SMYD3: variants seen among roughly 807,000 people sequenced by gnomAD.
SMYD3 encodes histone-lysine N-methyltransferase SMYD3.
A neutral mutation model predicts 57.7 loss-of-function variants in SMYD3; 36 were observed. The observed-to-expected ratio is 0.62, with a 90% CI of 0.48 to 0.82. The LOEUF (loss-of-function observed/expected upper bound fraction) is 0.82, where lower values mean the gene tolerates loss of function less well. SMYD3 is among the 40% of genes least tolerant of loss of function. The pLI is 0.00. For missense variants in SMYD3, 515 were observed against 538.8 expected (o/e 0.96, Z 0.44); for synonymous variants, 211 against 195.0 (o/e 1.08, Z -0.68).
chr1:246,157,019 T>C (rs1049055535), intron 5 of SMYD3, among the ~76,000 whole-genome samples: 1 of 152,208 alleles, frequency 6.6e-6, no homozygotes, highest in African/African-American at 2.4e-5. Context: ...GAAAAGGTCA[T>C]ACGCAGACCG....
At chr1:246,146,785 A>T (rs1408279485) in intron 5 of SMYD3, among the ~76,000 whole-genome samples, 1 of 152,178 alleles carries the variant, frequency 6.6e-6, no homozygotes, top group Non-Finnish European at 1.5e-5. Context: ...AACAGCACCA[A>T]TTCTGAGAGG....
At chr1:245,846,990 G>C (rs2050698288) in intron 10 of SMYD3, among the ~76,000 whole-genome samples, 1 of 152,136 alleles carries the variant, frequency 6.6e-6, no homozygotes, top group African/African-American at 2.4e-5. Context: ...GCAGGGCACT[G>C]TCTCCACTCC....
chr1:245,811,203 G>A (rs193052869), intron 10 of SMYD3, among the ~76,000 whole-genome samples: 3 of 152,298 alleles, frequency 2.0e-5, no homozygotes, highest in African/African-American at 4.8e-5. Context: ...TAAACAGAGC[G>A]CTGAAGTGCA....
chr1:246,229,756 G>A (rs1191830972), intron 5 of SMYD3, among the ~76,000 whole-genome samples: 3 of 152,194 alleles, frequency 2.0e-5, no homozygotes, highest in African/African-American at 7.2e-5. Context: ...AACTCTCATA[G>A]CCTCATCACT....
intron 5 of SMYD3, among the ~76,000 whole-genome samples, chr1:246,120,996 G>A (rs559435014): frequency 3.9e-5 from 6 of 152,100 alleles, no homozygotes; most frequent in Admixed American, 6.5e-5. Flanking sequence ...TTCATTCCAC[G>A]TTGCTACAGT....
intron 6 of SMYD3, among the ~76,000 whole-genome samples, chr1:245,929,156 A>G (rs1558504794): frequency 6.6e-6 from 1 of 152,358 alleles, no homozygotes; most frequent in East Asian, 1.9e-4. Context: ...CTGAACGCAG[A>G]GCCCATGCTT....
rs113347852 is a variant in SMYD3 at position 246,185,108 on chromosome 1, G to C, written c.531+142093C>G. Among the ~76,000 whole-genome samples, 235 of 152,312 alleles carry C rather than the reference G, an allele frequency of 1.5e-3. 1 individual carries two copies. The highest frequency in any genetic ancestry group is 5.4e-3 in the African/African-American group (223 of 41,566). Reference sequence around the variant, plus strand: ...CAATAACAGCCATCATTTTCTATAAGCACTAATGGTGTTATATGCCAAGAA... The same window carrying C: ...CAATAACAGCCATCATTTTCTATAACCACTAATGGTGTTATATGCCAAGAA... On this transcript the variant is annotated intron_variant, in intron 5 of 11. Transcript: ENST00000490107.
At chr1:246,277,290 C>T (rs1266688971) in intron 5 of SMYD3, among the ~76,000 whole-genome samples, 1 of 151,908 alleles carries the variant, frequency 6.6e-6, no homozygotes, top group Admixed American at 6.6e-5. Flanking sequence ...CAAGGAAATG[C>T]CAACTAAAAC....
At position 245,962,143 on chromosome 1, in the gene SMYD3, C is replaced by T. The variant is rs1380606571; in HGVS notation, c.532-32206G>A. Reference sequence around the variant, plus strand: ...ACATGTGAGGTTTCCCACCATTTGACTGGAGAAAGGTCGATGTTAGGGGAG... The same window carrying T: ...ACATGTGAGGTTTCCCACCATTTGATTGGAGAAAGGTCGATGTTAGGGGAG... On this transcript the variant is annotated intron_variant, in intron 5 of 11. Transcript: ENST00000490107. Among the ~76,000 whole-genome samples, 3 of 152,112 alleles carry T rather than the reference C, an allele frequency of 2.0e-5. 1 individual carries two copies. The highest frequency in any genetic ancestry group is 4.1e-4 in the South Asian group (2 of 4,822).
chr1:246,073,999 C>T (rs1475625264), intron 5 of SMYD3, among the ~76,000 whole-genome samples: 1 of 152,228 alleles, frequency 6.6e-6, no homozygotes, highest in African/African-American at 2.4e-5. Context: ...TGTGGCCCAG[C>T]ATGGCTTTGA....
At chr1:245,873,741 G>T (rs2052344764) in intron 8 of SMYD3, among the ~76,000 whole-genome samples, 1 of 152,204 alleles carries the variant, frequency 6.6e-6, no homozygotes, top group African/African-American at 2.4e-5. Flanking sequence ...CCTAGATGTG[G>T]CCACTCCAGA....
intron 10 of SMYD3, among the ~76,000 whole-genome samples, chr1:245,799,470 C>T (rs1490205567): frequency 6.6e-6 from 1 of 152,294 alleles, no homozygotes; most frequent in Non-Finnish European, 1.5e-5. Context: ...CTTCTCCTTT[C>T]CAATTAAATG....
intron 5 of SMYD3, among the ~76,000 whole-genome samples, chr1:246,239,559 A>G (rs1243189153): frequency 6.6e-6 from 1 of 152,174 alleles, no homozygotes; most frequent in Non-Finnish European, 1.5e-5. Flanking sequence ...ATACGTGTGC[A>G]TGTGTCTTTA....
chr1:246,258,001 C>A (rs114464850), intron 5 of SMYD3, among the ~76,000 whole-genome samples: 1,950 of 152,116 alleles, frequency 0.013, 52 homozygotes, highest in African/African-American at 0.044. Context: ...AACCATAAGT[C>A]AATTGAACTT....
intron 1 of SMYD3, among the ~76,000 whole-genome samples, chr1:246,441,977 T>C (rs923222876): frequency 3.9e-5 from 6 of 152,362 alleles, no homozygotes; most frequent in South Asian, 4.1e-4. Flanking sequence ...AGAAAATGCC[T>C]ATCATGTGCA....
At chr1:246,351,416 T>G (rs2065821183) in intron 2 of SMYD3, among the ~76,000 whole-genome samples, 1 of 152,208 alleles carries the variant, frequency 6.6e-6, no homozygotes, top group Non-Finnish European at 1.5e-5. Flanking sequence ...GTTTTGAAAA[T>G]GCTTTTTTAT....
intron 1 of SMYD3, among the ~76,000 whole-genome samples, chr1:246,440,426 C>T (rs79920592): frequency 0.023 from 3,528 of 152,212 alleles, 137 homozygotes; most frequent in African/African-American, 0.079. Context: ...AGGAAGATAT[C>T]GTCACACCCA....
chr1:246,167,728 C>T (rs2062244915), intron 5 of SMYD3, among the ~76,000 whole-genome samples: 3 of 152,128 alleles, frequency 2.0e-5, no homozygotes, highest in African/African-American at 7.2e-5. Flanking sequence ...CCAGGCTGGT[C>T]TCAAACTCCT....
At chr1:245,921,713 T>C (rs1343699551) in intron 7 of SMYD3, among the ~76,000 whole-genome samples, 1 of 152,150 alleles carries the variant, frequency 6.6e-6, no homozygotes, top group Non-Finnish European at 1.5e-5. Flanking sequence ...AGATTTCTCA[T>C]AAATTGTGGA....
Sources: gnomAD v4.1 joint callset for allele counts (sites outside exome capture counted in the v4.1 genomes callset) on GRCh38, gnomAD v4.1.1 for gene constraint, MANE v1.5 for transcripts, NCBI Gene and HGNC (gene_info 2026-07-23, HGNC 2026-07-21) for gene names.